Variants in MYO15A observed in about 807,000 individuals in gnomAD.
The protein encoded by MYO15A is myosin XVA.
A neutral mutation model predicts 394.6 loss-of-function variants in MYO15A; 308 were observed. That is an observed-to-expected ratio of 0.78 (90% CI 0.71 to 0.86). The LOEUF (loss-of-function observed/expected upper bound fraction) is 0.86. Ranked by LOEUF, MYO15A falls within the 40% of genes least tolerant of loss-of-function variation. The probability of loss-of-function intolerance (pLI) is 0.00; values close to 1 mark genes in which losing one functional copy is unlikely to be tolerated. For synonymous variants in MYO15A, 1,957 were observed against 2,003.8 expected (o/e 0.98, Z 0.62); for missense variants, 4,606 against 4,799.1 (o/e 0.96, Z 1.19).
intron 10 of MYO15A, among the ~76,000 whole-genome samples, chr17:18,131,908 A>ACC (rs2046174935): frequency 6.6e-6 from 1 of 151,896 alleles, no homozygotes; most frequent in Non-Finnish European, 1.5e-5. Flanking sequence ...CAGAGCCCCT[A>ACC]CCCCGTCCAC....
rs2046561017 is a variant in MYO15A at position 18,150,551 on chromosome 17, C to T, written c.7327+8C>T. 1 of 1,613,844 alleles carries T rather than the reference C, an allele frequency of 6.2e-7. No homozygotes were observed. Among genetic ancestry groups the T allele is most frequent in the African/African-American group, 1.3e-5 (1 of 74,926 alleles). ...CCCCAGAGCCAAAGCCAAGTCAGTG[C>T]CTCCCCAGGGTGGTTCCAGGGTTGG... is the stretch of plus-strand genomic sequence containing the variant. On this transcript the variant is annotated splice_region_variant and intron_variant, in intron 36 of 65. Transcript: ENST00000647165. This position sits in a 1 kb window ranked among gnomAD's most constrained non-coding sequence, Gnocchi z 4.4.
intron 7 of MYO15A, 129 bp from the exon 8 acceptor site, chr17:18,130,676 A>T: frequency 1.3e-6 from 2 of 1,520,584 alleles, no homozygotes; most frequent in Non-Finnish European, 1.8e-6. Context: ...TCTGAGCCTC[A>T]CAGGTTTTTA....
chr17:18,130,978 A>T (rs1179619034), intron 8 of MYO15A, among the ~76,000 whole-genome samples, 168 bp downstream of exon 8: 1 of 150,028 alleles, frequency 6.7e-6, no homozygotes, highest in African/African-American at 2.5e-5. Context: ...GCTTGTGGTC[A>T]GGGGCTGCTG....
At chr17:18,163,115 A>C (rs1209622711) in intron 58 of MYO15A, 129 bp from the exon 59 acceptor site, 27 of 954,338 alleles carry the variant, frequency 2.8e-5, no homozygotes, top group Non-Finnish European at 4.1e-5. Flanking sequence ...TGCGCGGTCC[A>C]GGTGCTCAAG....
Position 18,154,713 on chromosome 17 carries a change from C to T in MYO15A, c.8182C>T (p.Arg2728Cys), listed in dbSNP as rs758464431. Reference sequence around the variant, plus strand: ...CGACACGCTCTCCGAGGCCTGCCTTCGCATCTCTGAGGATGAGAGGCTCAG... The same window carrying T: ...CGACACGCTCTCCGAGGCCTGCCTTTGCATCTCTGAGGATGAGAGGCTCAG... The part of the protein sequence containing the change: ...LHDTLSEACL[R>C]ISEDERLRMK... Residue 2728 changes from arginine (R) to cysteine (C), a missense_variant, in exon 45 of 66, where the codon CGC (arginine) becomes TGC (cysteine). This residue lies in a region of MYO15A where 2,776 missense variants were observed against 3,109.3 expected (regional missense o/e 0.89). Coordinates refer to ENST00000647165, the MANE Select transcript of MYO15A (RefSeq NM_016239.4). 5 of 1,613,750 alleles carry T rather than the reference C, an allele frequency of 3.1e-6. No individual in the cohort carries two copies. Among genetic ancestry groups the T allele is most frequent in the Admixed American group, 1.7e-5 (1 of 60,026 alleles).
intron 56 of MYO15A, 37 bp downstream of exon 56, chr17:18,160,054 T>C: frequency 1.3e-6 from 2 of 1,591,022 alleles, no homozygotes; most frequent in Non-Finnish European, 8.5e-7. Flanking sequence ...ATCCCCTCAC[T>C]GTGTCCATGC....
intron 1 of MYO15A, among the ~76,000 whole-genome samples, chr17:18,115,166 C>T (rs1018071546): frequency 1.3e-5 from 2 of 152,200 alleles, no homozygotes; most frequent in African/African-American, 4.8e-5. Flanking sequence ...CCTGTCAGTC[C>T]TACCTGCCAC....
intron 12 of MYO15A, 39 bp downstream of exon 12, chr17:18,133,425 T>C: frequency 6.2e-7 from 1 of 1,608,076 alleles, no homozygotes; most frequent in Non-Finnish European, 8.5e-7. Flanking sequence ...GCCCGCACCC[T>C]CTGGACTTGG....
intron 1 of MYO15A, among the ~76,000 whole-genome samples, chr17:18,111,360 A>C (rs1175977809): frequency 2.3e-5 from 3 of 130,732 alleles, no homozygotes; most frequent in Non-Finnish European, 3.2e-5. Flanking sequence ...AAAAAAAAAA[A>C]AAAAAACAAA....
intron 29 of MYO15A, among the ~76,000 whole-genome samples, chr17:18,145,409 C>T (rs551409572): frequency 6.6e-6 from 1 of 152,214 alleles, no homozygotes; most frequent in East Asian, 1.9e-4. Context: ...CCTGGTCATT[C>T]GGCATAGAAT....
rs1391091913 is a variant in MYO15A, at chr17:18,131,335, C to A, written c.4135C>A (p.Leu1379Met). ...CTTTGGGAAGTTTGTGGAAATCTTT[C>A]TGGAAGGGTGAGTTGGGACAGTGGA... is the stretch of plus-strand genomic sequence containing the variant. ...SRFGKFVEIF[L>M]EGGVISGAIT... Residue 1379 changes from leucine (L) to methionine (M), a missense_variant, in exon 9 of 66, where the codon CTG becomes ATG. By Grantham distance (15) the Leu-to-Met change is conservative. Around this residue, in one of 2 missense-constraint regions of MYO15A, gnomAD observed 2,776 missense variants for 3,109.3 expected, o/e 0.89. Transcript: ENST00000647165. 1.2e-6 allele frequency: 2 copies of A among 1,614,010 alleles called. No individual in the cohort carries two copies.
rs930573385 is a variant in MYO15A, at chr17:18,153,178, C to A, written c.7967-597C>A. On this transcript the variant is annotated intron_variant, in intron 42 of 65. Coordinates refer to ENST00000647165, the MANE Select transcript of MYO15A (RefSeq NM_016239.4). This position sits in a 1 kb window ranked among gnomAD's most constrained non-coding sequence, Gnocchi z 4.1. Reference sequence around the variant, plus strand: ...CAGCACTTTGGGAGTCCGAGGCGGGCGGATCACAAGGTCAAGAGATCAAGA... The same window carrying A: ...CAGCACTTTGGGAGTCCGAGGCGGGAGGATCACAAGGTCAAGAGATCAAGA... Among the ~76,000 whole-genome samples, 4 of 151,964 alleles carry A rather than the reference C, an allele frequency of 2.6e-5. No individual in the cohort carries two copies. Among genetic ancestry groups the A allele is most frequent in the African/African-American group, 9.7e-5 (4 of 41,348 alleles).
chr17:18,159,971 T>TA lies in MYO15A; in HGVS notation c.9341dup (p.Tyr3114Ter). The TA allele has an allele frequency of 6.2e-7, 1 of 1,614,052 alleles. No individual in the cohort carries two copies. The highest frequency in any genetic ancestry group is 8.5e-7 in the Non-Finnish European group (1 of 1,180,026). The change falls in exon 56 of 66, where the codon TAC (tyrosine) becomes TAAC (stop). Residue 3114 changes from tyrosine to a stop codon, truncating the protein, a stop_gained and frameshift_variant. Coordinates refer to ENST00000647165, the MANE Select transcript of MYO15A (RefSeq NM_016239.4). LOFTEE classifies it high-confidence loss of function. The part of the protein sequence containing the change: ...GDHEVMRDEC[Y>*]CQVVKQITDN... ...CCATGAGGTCATGCGGGATGAATGTTACTGCCAAGTTGTGAAGCAGATCAC... is the reference window on the plus strand; with the variant it reads ...CCATGAGGTCATGCGGGATGAATGTTAACTGCCAAGTTGTGAAGCAGATCAC...
intron 57 of MYO15A, among the ~76,000 whole-genome samples, 171 bp downstream of exon 57, chr17:18,161,618 C>T (rs1488346329): frequency 2.0e-5 from 3 of 152,136 alleles, no homozygotes; most frequent in South Asian, 2.1e-4. Flanking sequence ...CAGGGGCTGG[C>T]GTGGTGGTTT....
chr17:18,157,963 G>A, intron 51 of MYO15A, 63 bp downstream of exon 51: 1 of 1,443,230 alleles, frequency 6.9e-7, no homozygotes, highest in Admixed American at 2.7e-5. Flanking sequence ...CTGCAGAAGG[G>A]GTGAGGCGAG....
chr17:18,135,313 G>A (rs2046243952), intron 12 of MYO15A, among the ~76,000 whole-genome samples: 1 of 152,170 alleles, frequency 6.6e-6, no homozygotes, highest in African/African-American at 2.4e-5. Context: ...TGGGATTACA[G>A]GCACCCGCCA....
intron 7 of MYO15A, 145 bp from the exon 8 acceptor site, chr17:18,130,660 G>A: frequency 7.2e-7 from 1 of 1,389,186 alleles, no homozygotes; most frequent in East Asian, 2.3e-5. Flanking sequence ...CTGGACCCCT[G>A]GGGTCTCTGA....
intron 7 of MYO15A, among the ~76,000 whole-genome samples, chr17:18,129,774 C>A (rs2046118259): frequency 6.6e-6 from 1 of 152,224 alleles, no homozygotes; most frequent in South Asian, 2.1e-4. Context: ...ATTATCAGGG[C>A]AATGTGTCTG....
intron 33 of MYO15A, 66 bp downstream of exon 33, chr17:18,149,018 G>A: frequency 6.5e-7 from 1 of 1,535,246 alleles, no homozygotes; most frequent in East Asian, 2.4e-5. Context: ...CCACTCCCAG[G>A]CAGAAGGCCT....
Sources: allele counts gnomAD v4.1 joint callset (sites outside exome capture counted in the v4.1 genomes callset), GRCh38; gene constraint gnomAD v4.1.1; regional missense constraint gnomAD v4.1.1; non-coding constraint Gnocchi (gnomAD v3.1); transcripts MANE v1.5; gene names NCBI Gene and HGNC (gene_info 2026-07-23, HGNC 2026-07-21).